Variants in HIBADH observed in about 807,000 individuals in gnomAD.
The protein encoded by HIBADH is 3-hydroxyisobutyrate dehydrogenase, mitochondrial.
Under a neutral mutation model 36.1 loss-of-function variants are expected in HIBADH, and 25 were observed. The observed-to-expected ratio is 0.69, with a 90% CI of 0.50 to 0.97. HIBADH has a LOEUF of 0.97. HIBADH is among the 50% of genes least tolerant of loss of function. The pLI, the probability that HIBADH is intolerant of heterozygous loss-of-function variation, is 0.00. For missense variants in HIBADH, 421 were observed against 418.0 expected, an observed-to-expected ratio of 1.01 and a Z score of -0.06; for synonymous variants, 160 against 149.5, an observed-to-expected ratio of 1.07 and a Z score of -0.51.
intron 4 of HIBADH, among the ~76,000 whole-genome samples, chr7:27,617,218 C>T (rs1167170326): frequency 6.6e-6 from 1 of 152,022 alleles, no homozygotes; most frequent in Admixed American, 6.5e-5. Context: ...TGTTTAGAAA[C>T]ACAAATACTT....
At chr7:27,575,608 T>C (rs940469279) in intron 4 of HIBADH, among the ~76,000 whole-genome samples, 1 of 152,114 alleles carries the variant, frequency 6.6e-6, no homozygotes, top group Non-Finnish European at 1.5e-5. Context: ...AGCAGTGGCA[T>C]AGCAGCAGGG....
chr7:27,652,765 C>T (rs765814024), intron 1 of HIBADH, among the ~76,000 whole-genome samples: 6 of 152,040 alleles, frequency 3.9e-5, no homozygotes, highest in Non-Finnish European at 5.9e-5. Context: ...TAATCCTATT[C>T]ACAGGAGCTC....
intron 4 of HIBADH, among the ~76,000 whole-genome samples, chr7:27,621,071 G>C (rs1785533281): frequency 6.6e-6 from 1 of 151,054 alleles, no homozygotes; most frequent in Non-Finnish European, 1.5e-5. Context: ...TAGCAAGCAA[G>C]AATCGTTATA....
At chr7:27,537,189 C>T (rs1784081882) in intron 6 of HIBADH, among the ~76,000 whole-genome samples, 1 of 152,160 alleles carries the variant, frequency 6.6e-6, no homozygotes, top group East Asian at 1.9e-4. Flanking sequence ...ACATGCTTTA[C>T]CATCTTATGG....
At chr7:27,659,307 C>T (rs1786369980) in intron 1 of HIBADH, among the ~76,000 whole-genome samples, 1 of 152,180 alleles carries the variant, frequency 6.6e-6, no homozygotes, top group African/African-American at 2.4e-5. Context: ...TGAAACTAAA[C>T]TTAATTACCT....
intron 4 of HIBADH, among the ~76,000 whole-genome samples, chr7:27,560,381 G>A (rs1030821809): frequency 5.9e-5 from 9 of 152,156 alleles, no homozygotes; most frequent in Admixed American, 1.3e-4. Flanking sequence ...TGCTTCCCAT[G>A]GTGCTGGGAT....
At chr7:27,620,523 C>T (rs1421757669) in intron 4 of HIBADH, among the ~76,000 whole-genome samples, 1 of 151,858 alleles carries the variant, frequency 6.6e-6, no homozygotes, top group African/African-American at 2.4e-5. Flanking sequence ...AAAAAAAACC[C>T]TGGCAGCCAA....
intron 1 of HIBADH, among the ~76,000 whole-genome samples, chr7:27,652,374 AGGCAAGAGGTAGTTATTGAAACAGTG>A (rs1202826694): frequency 5.3e-5 from 8 of 151,596 alleles, no homozygotes; most frequent in Non-Finnish European, 1.5e-5. Flanking sequence ...TGTATTTTGT[AGGCAAGAGGTAGTTATTGAAACAGTG>A]GGCAAGAGAA....
intron 4 of HIBADH, among the ~76,000 whole-genome samples, chr7:27,595,629 G>A (rs533965033): frequency 3.5e-5 from 5 of 141,930 alleles, no homozygotes; most frequent in Admixed American, 1.4e-4. Flanking sequence ...TGTGTGAACC[G>A]CTATATTCCC....
intron 4 of HIBADH, among the ~76,000 whole-genome samples, chr7:27,544,943 T>C (rs1784214149): frequency 6.6e-6 from 1 of 152,214 alleles, no homozygotes; most frequent in African/African-American, 2.4e-5. Flanking sequence ...ATCTTTTAAT[T>C]CAGAGGTCTG....
rs181417002 is a variant in HIBADH, at chr7:27,578,356, C to T, written c.485-35256G>A. ...TTTTTGAGACAGTTTCGCTTTGTTG[C>T]GCAAGCTGGAGTGCAGTGGCACGAT... On this transcript the variant is annotated intron_variant, in intron 4 of 7. Coordinates refer to ENST00000265395, the MANE Select transcript of HIBADH (RefSeq NM_152740.4). 4.6e-5 allele frequency among the ~76,000 whole-genome samples: 7 copies of T among 150,942 alleles called. No individual in the cohort carries two copies. The East Asian group carries it at 1.2e-3, about 25-fold the overall frequency.
chr7:27,638,063 A>G (rs755316214), intron 2 of HIBADH, among the ~76,000 whole-genome samples: 31 of 152,156 alleles, frequency 2.0e-4, no homozygotes, highest in Non-Finnish European at 3.1e-4. Flanking sequence ...TCACAGAATT[A>G]GAAAAAAACT....
intron 4 of HIBADH, among the ~76,000 whole-genome samples, chr7:27,593,460 T>C (rs1784977341): frequency 6.6e-6 from 1 of 152,104 alleles, no homozygotes; most frequent in African/African-American, 2.4e-5. Flanking sequence ...AGAAACATAA[T>C]ATTGGTTGAG....
intron 4 of HIBADH, among the ~76,000 whole-genome samples, chr7:27,593,125 G>A (rs1784970756): frequency 6.6e-6 from 1 of 152,112 alleles, no homozygotes; most frequent in Non-Finnish European, 1.5e-5. Flanking sequence ...CAGTTTTTAT[G>A]ATTATATGAT....
At chr7:27,546,035 A>G (rs568175092) in intron 4 of HIBADH, among the ~76,000 whole-genome samples, 2 of 152,356 alleles carry the variant, frequency 1.3e-5, no homozygotes, top group African/African-American at 4.8e-5. Flanking sequence ...TGTATAAAAC[A>G]GGAAAAGTAT....
At chr7:27,636,119 G>A (rs551342210) in intron 2 of HIBADH, among the ~76,000 whole-genome samples, 1 of 152,328 alleles carries the variant, frequency 6.6e-6, no homozygotes, top group South Asian at 2.1e-4. Flanking sequence ...AGAGTAATCT[G>A]AAGGGACTAC....
intron 4 of HIBADH, among the ~76,000 whole-genome samples, chr7:27,557,124 A>G (rs1784402052): frequency 6.8e-6 from 1 of 147,932 alleles, no homozygotes; most frequent in Admixed American, 6.8e-5. Context: ...TGAACAACAG[A>G]GTGAGACCCT....
chr7:27,661,361 G>A lies in HIBADH; in HGVS notation c.91+1337C>T, dbSNP rs184811537. ...CATGCCTATAATCCCAACGCTTTGG[G>A]AGGATCACTTGAGCGCAGGAGTTCA... On this transcript the variant is annotated intron_variant, in intron 1 of 7. Transcript: ENST00000265395. Among the ~76,000 whole-genome samples, 78 of 152,008 alleles carry A rather than the reference G, an allele frequency of 5.1e-4. 1 individual carries two copies. Among genetic ancestry groups the A allele is most frequent in the Non-Finnish European group, 7.4e-5 (5 of 67,976 alleles).
rs80209175 is a variant in HIBADH, at chr7:27,608,179, C to T, written c.484+21192G>A. The stretch of plus-strand genomic sequence containing the variant: ...GATGTCAGATACTAATGTTAAAATT[C>T]TTAGTACTCTTTTAAAAGAAATCCA... On this transcript the variant is annotated intron_variant, in intron 4 of 7. Coordinates refer to ENST00000265395, the MANE Select transcript of HIBADH (RefSeq NM_152740.4). 9.5e-3 allele frequency among the ~76,000 whole-genome samples: 1,447 copies of T among 152,188 alleles called. 14 individuals are homozygous for T. Among genetic ancestry groups the T allele is most frequent in the Non-Finnish European group, 0.014 (954 of 67,982 alleles).
Sources: allele counts gnomAD v4.1 joint callset (sites outside exome capture counted in the v4.1 genomes callset), GRCh38; gene constraint gnomAD v4.1.1; transcripts MANE v1.5; gene names NCBI Gene and HGNC (gene_info 2026-07-23, HGNC 2026-07-21).